Variants in PIEZO2 observed in about 807,000 individuals in gnomAD.
PIEZO2 encodes piezo-type mechanosensitive ion channel component 2.
A neutral mutation model predicts 337.3 loss-of-function variants in PIEZO2; 172 were observed. The observed-to-expected ratio is 0.51, with a 90% confidence interval of 0.45 to 0.58. The LOEUF is 0.58. Among genes scored for constraint, PIEZO2 ranks in the 20% least tolerant of loss-of-function variants. PIEZO2 has a pLI of 0.00. For missense variants in PIEZO2, 3,028 were observed against 3,391.3 expected, an observed-to-expected ratio of 0.89 and a Z score of 2.66; for synonymous variants, 1,251 against 1,228.5, an observed-to-expected ratio of 1.02 and a Z score of -0.38.
intron 1 of PIEZO2, among the ~76,000 whole-genome samples, chr18:11,073,078 A>G (rs1322708208): frequency 6.6e-6 from 1 of 152,242 alleles, no homozygotes; most frequent in Admixed American, 6.5e-5. Flanking sequence ...AAGATTTCCT[A>G]TGATTAACTT....
At chr18:10,725,456 A>C in intron 36 of PIEZO2, 1 of 1,578,308 alleles carries the variant, frequency 6.3e-7, no homozygotes, top group Non-Finnish European at 8.7e-7. Flanking sequence ...TGTGGCATGA[A>C]ATAGGTCAGG....
intron 2 of PIEZO2, among the ~76,000 whole-genome samples, chr18:11,006,491 T>C (rs1389369310): frequency 1.3e-5 from 2 of 152,202 alleles, no homozygotes; most frequent in East Asian, 3.9e-4. Flanking sequence ...AGAACATTAG[T>C]ATATGGCAAA....
chr18:10,966,990 T>C (rs1475287271), intron 3 of PIEZO2, among the ~76,000 whole-genome samples: 1 of 151,724 alleles, frequency 6.6e-6, no homozygotes, highest in Non-Finnish European at 1.5e-5. Flanking sequence ...ATGATATGTG[T>C]ATATATACCA....
intron 3 of PIEZO2, among the ~76,000 whole-genome samples, chr18:10,968,626 G>T (rs1046118680): frequency 8.2e-5 from 12 of 146,340 alleles, no homozygotes; most frequent in Non-Finnish European, 1.3e-4. Context: ...AAATAAAAGT[G>T]CAAGGTAAAG....
At chr18:10,913,102 A>T (rs558647802) in intron 3 of PIEZO2, among the ~76,000 whole-genome samples, 4 of 152,282 alleles carry the variant, frequency 2.6e-5, no homozygotes, top group African/African-American at 7.2e-5. Flanking sequence ...TTTCTCAGGA[A>T]TTCTTTTTAA....
intron 33 of PIEZO2, chr18:10,740,192 C>G (rs11663423): frequency 0.32 from 49,317 of 152,126 alleles, 8,674 homozygotes; most frequent in East Asian, 0.53. Context: ...CCACTATAAT[C>G]CCATCGACCT....
At chr18:11,136,314 T>C (rs1360074502) in intron 1 of PIEZO2, among the ~76,000 whole-genome samples, 1 of 152,242 alleles carries the variant, frequency 6.6e-6, no homozygotes, top group Non-Finnish European at 1.5e-5. Context: ...GGTTTGTGGT[T>C]GTTAGTGAAA....
intron 1 of PIEZO2, among the ~76,000 whole-genome samples, chr18:11,103,541 T>C (rs1321547951): frequency 6.6e-6 from 1 of 152,162 alleles, no homozygotes; most frequent in Admixed American, 6.5e-5. Flanking sequence ...GAAGAATACA[T>C]ACTGGAAAAT....
At chr18:10,744,403 A>T (rs1177300225) in intron 30 of PIEZO2, among the ~76,000 whole-genome samples, 172 bp from the exon 31 acceptor site, 1 of 152,036 alleles carries the variant, frequency 6.6e-6, no homozygotes, top group Non-Finnish European at 1.5e-5. Flanking sequence ...GCCTTTTCCC[A>T]TTGGGTGAAC....
rs112548896 is a variant in PIEZO2 at position 10,963,808 on chromosome 18, T to C, written c.286+15727A>G. Among the ~76,000 whole-genome samples, 116 of 152,364 alleles carry C rather than the reference T, an allele frequency of 7.6e-4. 1 individual carries two copies. Among genetic ancestry groups the C allele is most frequent in the African/African-American group, 2.6e-3 (109 of 41,582 alleles). ...GTAGATGCTAATTTAGGCTGTTATC[T>C]GCATTTTGAAGTCCTCCAAGACCTG... On this transcript the variant is annotated intron_variant, in intron 3 of 55. Coordinates refer to ENST00000674853, the MANE Select transcript of PIEZO2 (RefSeq NM_001378183.1).
chr18:10,864,878 A>G (rs1356589462), intron 5 of PIEZO2, among the ~76,000 whole-genome samples: 1 of 152,190 alleles, frequency 6.6e-6, no homozygotes, highest in Non-Finnish European at 1.5e-5. Flanking sequence ...GCAAGAGTGA[A>G]GTACACAGCA....
At chr18:10,712,377 G>A (rs1273197815) in intron 39 of PIEZO2, among the ~76,000 whole-genome samples, 3 of 152,092 alleles carry the variant, frequency 2.0e-5, no homozygotes, top group African/African-American at 7.2e-5. Context: ...AATGAATTAA[G>A]TATATTGAAT....
chr18:11,018,220 GGTGT>G (rs3971612), intron 2 of PIEZO2, among the ~76,000 whole-genome samples: 212 of 144,062 alleles, frequency 1.5e-3, no homozygotes, highest in African/African-American at 4.3e-3. Flanking sequence ...TGGTGGTGGT[GGTGT>G]GTGTGTGTGT....
chr18:10,866,791 A>G (rs2042019238), intron 5 of PIEZO2, among the ~76,000 whole-genome samples: 1 of 152,358 alleles, frequency 6.6e-6, no homozygotes, highest in South Asian at 2.1e-4. Context: ...CCAGAAGACA[A>G]TAAATAGATC....
chr18:10,758,287 G>A (rs550658829), intron 26 of PIEZO2, among the ~76,000 whole-genome samples, 153 bp from the exon 27 acceptor site: 44 of 152,296 alleles, frequency 2.9e-4, no homozygotes, highest in African/African-American at 1.0e-3. Flanking sequence ...GGAGTCCAAT[G>A]TCGGGGCCAA....
chr18:10,825,127 G>C (rs1269782927), intron 7 of PIEZO2, among the ~76,000 whole-genome samples: 1 of 152,104 alleles, frequency 6.6e-6, no homozygotes, highest in East Asian at 1.9e-4. Flanking sequence ...GCCTCCCAAA[G>C]TGCTGGGATT....
chr18:10,918,539 A>T (rs2031173922), intron 3 of PIEZO2, among the ~76,000 whole-genome samples: 1 of 152,096 alleles, frequency 6.6e-6, no homozygotes, highest in African/African-American at 2.4e-5. Flanking sequence ...AAAAGACAAA[A>T]GTCAGAATTC....
rs141738844 is a variant in PIEZO2 at position 11,047,221 on chromosome 18, C to T, written c.160+18906G>A. Among the ~76,000 whole-genome samples, 4 of 152,264 alleles carry T rather than the reference C, an allele frequency of 2.6e-5. No homozygotes were observed. Among genetic ancestry groups the T allele is most frequent in the East Asian group, 1.9e-4 (1 of 5,172 alleles). ...GCTGCCCTTGCTCTCAGAGAATGGA[C>T]GCAAACTTGTCCGAGCTGTTGGATG... On this transcript the variant is annotated intron_variant, in intron 2 of 55. Transcript: ENST00000674853. This position sits in a 1 kb window ranked among gnomAD's most constrained non-coding sequence, Gnocchi z 7.2.
chr18:10,831,024 A>G (rs1480497049), intron 7 of PIEZO2, among the ~76,000 whole-genome samples: 5 of 152,196 alleles, frequency 3.3e-5, no homozygotes, highest in African/African-American at 1.2e-4. Flanking sequence ...AAAGGCAATA[A>G]AAAGTGCTAG....
Sources: allele counts gnomAD v4.1 joint callset (sites outside exome capture counted in the v4.1 genomes callset), GRCh38; gene constraint gnomAD v4.1.1; non-coding constraint Gnocchi (gnomAD v3.1); transcripts MANE v1.5; gene names NCBI Gene and HGNC (gene_info 2026-07-23, HGNC 2026-07-21).